The following STAU2 variants were observed in gnomAD, a reference collection of about 807,000 sequenced individuals.
The protein encoded by STAU2 is staufen double-stranded RNA binding protein 2, also known as double-stranded RNA-binding protein Staufen homolog 2.
In STAU2, 20 loss-of-function variants were observed where a neutral mutation model predicts 65.9. The ratio of observed to expected loss-of-function variants is 0.30; its 90% confidence interval spans 0.21 to 0.44. The LOEUF (loss-of-function observed/expected upper bound fraction) is 0.44, where lower values mean the gene tolerates loss of function less well. STAU2 is among the 20% of genes least tolerant of loss of function. The pLI is 1.00. For synonymous variants in STAU2, 232 were observed against 233.9 expected, an observed-to-expected ratio of 0.99 and a Z score of 0.07; for missense variants, 558 against 683.9, an observed-to-expected ratio of 0.82 and a Z score of 2.05.
chr8:73,563,260 G>A (rs888990193), intron 12 of STAU2, among the ~76,000 whole-genome samples: 9 of 152,188 alleles, frequency 5.9e-5, no homozygotes, highest in Admixed American at 2.6e-4. Context: ...GCCCCGTGGT[G>A]TCAGTGGAGA....
At chr8:73,701,832 T>C (rs1820125566) in intron 4 of STAU2, among the ~76,000 whole-genome samples, 1 of 152,144 alleles carries the variant, frequency 6.6e-6, no homozygotes, top group Admixed American at 6.5e-5. Flanking sequence ...TCAACCTAAG[T>C]GTCCATCAAT....
intron 3 of STAU2, among the ~76,000 whole-genome samples, chr8:73,719,065 C>T (rs935658058): frequency 3.9e-5 from 6 of 152,186 alleles, no homozygotes; most frequent in Non-Finnish European, 5.9e-5. Flanking sequence ...CAACGTCAAA[C>T]GGAACTGGTT....
chr8:73,619,933 ATTAAT>A (rs142120815), intron 6 of STAU2, among the ~76,000 whole-genome samples: 15,458 of 152,208 alleles, frequency 0.1, 970 homozygotes, highest in Non-Finnish European at 0.16. Context: ...ACAGTTTTCT[ATTAAT>A]TTAAGATAAC....
At chr8:73,540,383 G>A (rs939539850) in intron 13 of STAU2, among the ~76,000 whole-genome samples, 8 of 152,314 alleles carry the variant, frequency 5.3e-5, no homozygotes, top group Middle Eastern at 3.4e-3. Context: ...GCACAGAACA[G>A]ATTCTTCTTC....
At chr8:73,539,796 T>C (rs542740613) in intron 13 of STAU2, among the ~76,000 whole-genome samples, 2 of 150,658 alleles carry the variant, frequency 1.3e-5, no homozygotes, top group African/African-American at 4.9e-5. Context: ...TGGGCTGAAA[T>C]TGCACCACTG....
chr8:73,680,188 T>C (rs61298855), intron 5 of STAU2, among the ~76,000 whole-genome samples: 40,216 of 145,686 alleles, frequency 0.28, 6,051 homozygotes, highest in East Asian at 0.46. Context: ...AGGGGGCCAA[T>C]GGAAAGTACA....
chr8:73,519,815 ACT>A (rs1200310247), intron 13 of STAU2, among the ~76,000 whole-genome samples: 4 of 152,194 alleles, frequency 2.6e-5, no homozygotes, highest in African/African-American at 9.7e-5. Flanking sequence ...GGTGAGCAAG[ACT>A]CTGCCCTGTA....
Position 73,673,217 on chromosome 8 carries a change from C to A in STAU2, c.300G>T (p.Leu100=). ...CTCCCCTTTTCATAGCAAGCCCATT[C>A]AGTTCCACAGTTGGAGTTATACTGC... The part of the protein sequence containing the change: ...NPGSITPTVE[L]NGLAMKRGEP... Residue 100 remains leucine (L), a synonymous_variant, in exon 6 of 15, where the codon CTG becomes CTT. Transcript: ENST00000524300. 1 of 1,597,790 alleles carries A rather than the reference C, an allele frequency of 6.3e-7. No individual in the cohort carries two copies. The highest frequency in any genetic ancestry group is 2.2e-5 in the East Asian group (1 of 44,646).
chr8:73,535,010 A>G (rs1806087072), intron 13 of STAU2, among the ~76,000 whole-genome samples: 1 of 152,226 alleles, frequency 6.6e-6, no homozygotes, highest in Non-Finnish European at 1.5e-5. Flanking sequence ...ATATTTGATA[A>G]TCAAAATCTG....
intron 12 of STAU2, among the ~76,000 whole-genome samples, chr8:73,574,299 C>G (rs989629808): frequency 6.6e-6 from 1 of 152,214 alleles, no homozygotes; most frequent in Non-Finnish European, 1.5e-5. Context: ...CACTTTTACA[C>G]TGTAGGTGGG....
At chr8:73,628,027 G>A (rs1218817715) in intron 6 of STAU2, among the ~76,000 whole-genome samples, 4 of 151,756 alleles carry the variant, frequency 2.6e-5, no homozygotes, top group African/African-American at 7.3e-5. Context: ...AGATATATAT[G>A]TTCACACATA....
At chr8:73,426,120 T>C (rs777395285) in intron 13 of STAU2, among the ~76,000 whole-genome samples, 5 of 151,884 alleles carry the variant, frequency 3.3e-5, no homozygotes, top group Non-Finnish European at 5.9e-5. Flanking sequence ...CCTCTCCCCA[T>C]GTCTACAAAC....
intron 10 of STAU2, among the ~76,000 whole-genome samples, chr8:73,601,236 TTTTTA>T (rs1392298889): frequency 1.3e-5 from 2 of 152,216 alleles, no homozygotes; most frequent in African/African-American, 4.8e-5. Context: ...AAAAACTTAA[TTTTTA>T]TTTATTTTTT....
intron 13 of STAU2, among the ~76,000 whole-genome samples, chr8:73,506,569 G>C (rs887637077): frequency 6.6e-6 from 1 of 152,176 alleles, no homozygotes; most frequent in Non-Finnish European, 1.5e-5. Context: ...TGAGTCTTCA[G>C]AGTTGTAATT....
chr8:73,457,796 T>C (rs1224681282), intron 13 of STAU2, among the ~76,000 whole-genome samples: 1 of 152,052 alleles, frequency 6.6e-6, no homozygotes, highest in African/African-American at 2.4e-5. Context: ...AGGTAGGGAG[T>C]GCATGGGCAC....
intron 6 of STAU2, among the ~76,000 whole-genome samples, chr8:73,634,518 C>T (rs778591434): frequency 6.6e-6 from 1 of 152,096 alleles, no homozygotes; most frequent in Admixed American, 6.5e-5. Context: ...CAGAGTGAGA[C>T]ACCGTCTCAA....
intron 13 of STAU2, among the ~76,000 whole-genome samples, chr8:73,478,751 T>A (rs572863221): frequency 6.6e-6 from 1 of 152,142 alleles, no homozygotes; most frequent in Admixed American, 6.6e-5. Context: ...AGCCTTTTTC[T>A]CAATTCCTTC....
chr8:73,637,465 AAGTGCTGAAAGT>A (rs1478214948), intron 6 of STAU2, among the ~76,000 whole-genome samples: 6 of 139,424 alleles, frequency 4.3e-5, no homozygotes, highest in African/African-American at 1.4e-4. Flanking sequence ...AGTCTTTATA[AAGTGCTGAAAGT>A]AAAAAAAAAA....
At chr8:73,439,388 G>A (rs4738357) in intron 13 of STAU2, among the ~76,000 whole-genome samples, 71,574 of 152,082 alleles carry the variant, frequency 0.47, 17,180 homozygotes, top group Admixed American at 0.58. Context: ...AGGCCGAGGC[G>A]GGCAGATCAC....
Sources: allele counts gnomAD v4.1 joint callset (sites outside exome capture counted in the v4.1 genomes callset), GRCh38; gene constraint gnomAD v4.1.1; transcripts MANE v1.5; gene names NCBI Gene and HGNC (gene_info 2026-07-23, HGNC 2026-07-21).